The following TMEM178A variants were observed in gnomAD, a reference collection of about 807,000 sequenced individuals.
TMEM178A encodes transmembrane protein 178A.
A neutral mutation model predicts 29.1 loss-of-function variants in TMEM178A; 12 were observed. The observed-to-expected ratio is 0.41, with a 90% CI of 0.26 to 0.67. TMEM178A has a LOEUF of 0.67. Among genes scored for constraint, TMEM178A ranks in the 30% least tolerant of loss-of-function variants. The pLI, the probability that TMEM178A is intolerant of heterozygous loss-of-function variation, is 0.29. For missense variants in TMEM178A, 366 were observed against 419.1 expected (o/e 0.87, Z 1.11); for synonymous variants, 210 against 187.2 (o/e 1.12, Z -0.99).
At chr2:39,672,962 G>C (rs1322450858) in intron 1 of TMEM178A, among the ~76,000 whole-genome samples, 1 of 152,212 alleles carries the variant, frequency 6.6e-6, no homozygotes, top group East Asian at 1.9e-4. Context: ...AACATTGAAG[G>C]AATTGAGGTG....
chr2:39,672,479 G>A (rs868062578), intron 1 of TMEM178A, among the ~76,000 whole-genome samples: 3 of 152,052 alleles, frequency 2.0e-5, no homozygotes, highest in East Asian at 1.9e-4. Context: ...AAGAGCCCTC[G>A]AACCCCATCA....
chr2:39,679,162 G>GT (rs1558445712), intron 1 of TMEM178A, among the ~76,000 whole-genome samples: 3 of 152,176 alleles, frequency 2.0e-5, no homozygotes, highest in Admixed American at 1.3e-4. Context: ...TAAGGCCAGG[G>GT]ATGGATACCA....
intron 1 of TMEM178A, among the ~76,000 whole-genome samples, chr2:39,667,322 A>G (rs1286097459): frequency 7.2e-6 from 1 of 139,790 alleles, no homozygotes; most frequent in Non-Finnish European, 1.5e-5. Context: ...TGTGAATGCT[A>G]TCAGATAGTT....
upstream of TMEM178A, chr2:39,665,765 G>A (rs1258076322): frequency 1.7e-5 from 7 of 409,222 alleles, no homozygotes; most frequent in Non-Finnish European, 4.1e-6. Flanking sequence ...CCCGGGGGCC[G>A]GGCCGGGGGC....
At chr2:39,689,501 G>T (rs1376248897) in intron 1 of TMEM178A, among the ~76,000 whole-genome samples, 1 of 152,188 alleles carries the variant, frequency 6.6e-6, no homozygotes, top group East Asian at 1.9e-4. Flanking sequence ...TAAATAAAAT[G>T]ATTGACTTTT....
At chr2:39,682,624 G>T (rs1251720719) in intron 1 of TMEM178A, among the ~76,000 whole-genome samples, 1 of 151,936 alleles carries the variant, frequency 6.6e-6, no homozygotes, top group African/African-American at 2.4e-5. Context: ...GAAGACTTTG[G>T]GACATTATTG....
chr2:39,721,888 G>C (rs1672712419), downstream of TMEM178A, among the ~76,000 whole-genome samples: 1 of 149,026 alleles, frequency 6.7e-6, no homozygotes, highest in South Asian at 2.1e-4. Context: ...CTACTCGGCA[G>C]GCTGGGGCAG....
At chr2:39,725,399 A>T in the TMEM178A span, among the ~76,000 whole-genome samples, 1 of 152,334 alleles carries the variant, frequency 6.6e-6, no homozygotes, top group East Asian at 1.9e-4. Context: ...CCTAGTAACG[A>T]TTGAGGAGCT....
chr2:39,671,074 G>A (rs919677431), intron 1 of TMEM178A, among the ~76,000 whole-genome samples: 1 of 152,092 alleles, frequency 6.6e-6, no homozygotes, highest in Non-Finnish European at 1.5e-5. Flanking sequence ...CTTGAAACTT[G>A]GAATAGAACA....
rs866395154 is a variant in TMEM178A, at chr2:39,682,573, A to G, written c.400+16199A>G. Among the ~76,000 whole-genome samples, 5 of 152,270 alleles carry G rather than the reference A, an allele frequency of 3.3e-5. No individual in the cohort carries two copies. In the East Asian group the frequency reaches 5.8e-4, roughly 18 times the overall value. ...AGATACTAGGTCTGAAGTTGGGGCA[A>G]ATAGTTCCCAGGTGAGGTTTCAGGA... On this transcript the variant is annotated intron_variant, in intron 1 of 3. Transcript: ENST00000281961.
Position 39,705,351 on chromosome 2 carries a change from A to G in TMEM178A, c.514+1157A>G, listed in dbSNP as rs545426893. Among the ~76,000 whole-genome samples the G allele has an allele frequency of 2.8e-4, 42 of 152,328 alleles. No individual in the cohort carries two copies. In the South Asian group the frequency reaches 8.5e-3, roughly 31 times the overall value. On this transcript the variant is annotated intron_variant, in intron 2 of 3. Coordinates refer to ENST00000281961, the MANE Select transcript of TMEM178A (RefSeq NM_152390.3). ...CATGACTGGTACTAATGCAAATCCC[A>G]TGTGGATTATATCTGAACCTTGTGC...
chr2:39,704,052 C>T (rs200514895), intron 1 of TMEM178A, 29 bp from the exon 2 acceptor site: 11 of 1,594,152 alleles, frequency 6.9e-6, no homozygotes, highest in South Asian at 3.3e-5. Context: ...TAAGCAGACT[C>T]GTAAATCGCG....
intron 1 of TMEM178A, among the ~76,000 whole-genome samples, chr2:39,674,720 A>G (rs1267761637): frequency 6.6e-6 from 1 of 152,252 alleles, no homozygotes; most frequent in African/African-American, 2.4e-5. Flanking sequence ...TTTGAAACAA[A>G]CAAAAAAGAC....
At position 39,666,011 on chromosome 2, in the gene TMEM178A, G is replaced by A. The variant is rs1220394413; in HGVS notation, c.37G>A (p.Gly13Ser). 1 of 1,508,220 alleles carries A rather than the reference G, an allele frequency of 6.6e-7. No individual in the cohort carries two copies. Among genetic ancestry groups the A allele is most frequent in the Non-Finnish European group, 8.8e-7 (1 of 1,131,684 alleles). 93.4% of individuals were successfully genotyped at this position (1,508,220 alleles called of 1,614,324 possible). A position where few individuals can be genotyped will look rare whatever the true frequency, so the allele number is the denominator to read the frequency against. Residue 13 changes from glycine (G) to serine (S), a missense_variant, in exon 1 of 4, where the codon GGC (glycine) becomes AGC (serine). Gly to Ser is a moderately conservative substitution (Grantham distance 56). Coordinates refer to ENST00000281961, the MANE Select transcript of TMEM178A (RefSeq NM_152390.3). ...GGCGCTCGTCACGGCGCTCAGCCTC[G>A]GCCTCAGCCTGTGCTCCCTGGGGCT... ...PRALVTALSL[G>S]LSLCSLGLLV...
intron 1 of TMEM178A, among the ~76,000 whole-genome samples, chr2:39,667,342 T>G (rs1309190191): frequency 8.5e-5 from 13 of 152,136 alleles, no homozygotes; most frequent in African/African-American, 2.9e-4. Context: ...TTGATTTTTT[T>G]TTTTTTTTTG....
chr2:39,716,975 A>C (rs766013549), intron 3 of TMEM178A, 35 bp from the exon 4 acceptor site: 2 of 1,586,860 alleles, frequency 1.3e-6, no homozygotes, highest in Non-Finnish European at 1.7e-6. Context: ...GGCAAACTGT[A>C]ACTAATCATT....
At chr2:39,726,465 C>A in the TMEM178A span, among the ~76,000 whole-genome samples, 12 of 152,132 alleles carry the variant, frequency 7.9e-5, no homozygotes, top group Non-Finnish European at 1.8e-4. Flanking sequence ...CTATCCAGCA[C>A]CCTTTGAACA....
intron 1 of TMEM178A, among the ~76,000 whole-genome samples, chr2:39,666,868 G>C (rs951629580): frequency 2.0e-5 from 3 of 152,256 alleles, no homozygotes; most frequent in Non-Finnish European, 2.9e-5. Flanking sequence ...AGAGAGGGAA[G>C]GGGCTTTGCC....
intron 1 of TMEM178A, among the ~76,000 whole-genome samples, chr2:39,698,215 T>C (rs1671633423): frequency 6.6e-6 from 1 of 152,248 alleles, no homozygotes. Flanking sequence ...GTATTTAATA[T>C]ATAGAGTTTG....
Sources: allele counts gnomAD v4.1 joint callset (sites outside exome capture counted in the v4.1 genomes callset), GRCh38; gene constraint gnomAD v4.1.1; transcripts MANE v1.5; gene names NCBI Gene and HGNC (gene_info 2026-07-23, HGNC 2026-07-21).